The following CASK variants were observed in gnomAD, a reference collection of about 807,000 sequenced individuals.
The protein encoded by CASK is calcium/calmodulin dependent serine protein kinase.
Under a neutral mutation model 82.9 loss-of-function variants are expected in CASK, and 4 were observed. The observed-to-expected ratio is 0.05, with a 90% confidence interval of 0.02 to 0.11. The LOEUF (loss-of-function observed/expected upper bound fraction) is 0.11. Among genes scored for constraint, CASK ranks in the 10% least tolerant of loss-of-function variants. The pLI, the probability that CASK is intolerant of heterozygous loss-of-function variation, is 1.00. For synonymous variants in CASK, 259 were observed against 253.5 expected (o/e 1.02, Z -0.20); for missense variants, 358 against 720.9 (o/e 0.50, Z 5.76).
chrX:41,521,481 A>G (rs1321032568), intron 26 of CASK, among the ~76,000 whole-genome samples: 1 of 112,215 alleles, frequency 8.9e-6, no homozygotes, highest in Non-Finnish European at 1.9e-5. Flanking sequence ...CACAGATTTT[A>G]AGAACTCTTG....
intron 1 of CASK, among the ~76,000 whole-genome samples, chrX:41,869,459 A>T (rs750348984): frequency 9.0e-6 from 1 of 111,268 alleles, no homozygotes; most frequent in Non-Finnish European, 1.9e-5. Context: ...TCTCAAGAAA[A>T]GATACCGTAT....
chrX:41,650,383 C>A (rs977779944), intron 8 of CASK, among the ~76,000 whole-genome samples: 6 of 110,778 alleles, frequency 5.4e-5, no homozygotes, highest in African/African-American at 2.0e-4. Flanking sequence ...TTTGCAGTGG[C>A]TGTGAACTTT....
chrX:41,691,558 A>G (rs1231135265), intron 5 of CASK, among the ~76,000 whole-genome samples: 2 of 110,956 alleles, frequency 1.8e-5, no homozygotes, highest in Admixed American at 9.6e-5. Flanking sequence ...GGGCACTGTC[A>G]TTTAAGAGTT....
intron 2 of CASK, among the ~76,000 whole-genome samples, chrX:41,800,423 T>C (rs1262043014): frequency 1.8e-5 from 2 of 111,468 alleles, no homozygotes; most frequent in East Asian, 5.6e-4. Flanking sequence ...ATAGCAAGTC[T>C]CAAAGACTAG....
rs1286713121 is a variant in CASK, at chrX:41,516,878, T to G, written c.*3542A>C. ...CCTGAAATGAAAAAAAAAAAGGACA[T>G]GACATCAGTGGGGGACAAAAGAGAG... is the stretch of plus-strand genomic sequence containing the variant. On this transcript the variant is annotated 3_prime_UTR_variant, in exon 27 of 27. Coordinates refer to ENST00000378163, the MANE Select transcript of CASK (RefSeq NM_001367721.1). 9.0e-6 allele frequency: 1 copy of G among 110,751 alleles called. No homozygotes were observed. Among genetic ancestry groups the G allele is most frequent in the Non-Finnish European group, 1.9e-5 (1 of 52,865 alleles). The allele number at this position is 110,751 out of a possible 1,213,427, so 9.1% of individuals were successfully genotyped here.
At chrX:41,876,755 C>T (rs2071831126) in intron 1 of CASK, among the ~76,000 whole-genome samples, 1 of 112,112 alleles carries the variant, frequency 8.9e-6, no homozygotes, top group African/African-American at 3.2e-5. Flanking sequence ...TTCCTTTCTG[C>T]TGAAAGACTG....
intron 5 of CASK, among the ~76,000 whole-genome samples, chrX:41,713,590 T>C (rs1202791950): frequency 8.9e-6 from 1 of 112,174 alleles, no homozygotes; most frequent in African/African-American, 3.2e-5. Flanking sequence ...GGAGCCTCTT[T>C]TGTATGGGCA....
At position 41,756,542 on chromosome X, in the gene CASK, T is replaced by C. The variant is rs554962357; in HGVS notation, c.279-10941A>G. ...GACAAAATACTGAGTGAAGCAGATGTAGCCAAACCTAAACTGCTTGGTTTA... is the reference window on the plus strand; with the variant it reads ...GACAAAATACTGAGTGAAGCAGATGCAGCCAAACCTAAACTGCTTGGTTTA... On this transcript the variant is annotated intron_variant, in intron 3 of 26. Coordinates refer to ENST00000378163, the MANE Select transcript of CASK (RefSeq NM_001367721.1). Among the ~76,000 whole-genome samples, 3 of 112,429 alleles carry C rather than the reference T, an allele frequency of 2.7e-5. No homozygotes were observed. The South Asian group carries it at 1.1e-3, about 41-fold the overall frequency.
At chrX:41,916,164 G>A (rs907234308) in intron 1 of CASK, among the ~76,000 whole-genome samples, 2 of 112,537 alleles carry the variant, frequency 1.8e-5, no homozygotes, top group African/African-American at 6.5e-5. Context: ...GAGACAGAGC[G>A]AGACTCCATC....
At chrX:41,654,205 G>T in intron 8 of CASK, among the ~76,000 whole-genome samples, 2 of 112,259 alleles carry the variant, frequency 1.8e-5, no homozygotes, top group Non-Finnish European at 3.8e-5. Context: ...CTGGGGAAAG[G>T]CAGAGAGGAG....
chrX:41,585,081 T>C (rs1457032612), intron 14 of CASK: 3 of 112,148 alleles, frequency 2.7e-5, no homozygotes, highest in African/African-American at 3.2e-5. Context: ...CAGCAAGCAT[T>C]AGAATGTTAT....
At chrX:41,715,448 C>T (rs6520764) in intron 5 of CASK, among the ~76,000 whole-genome samples, 36,746 of 109,578 alleles carry the variant, frequency 0.34, 4,588 homozygotes, top group East Asian at 0.54. Context: ...GGCGAAACCC[C>T]GTCTCTACTA....
chrX:41,659,859 G>A lies in CASK; in HGVS notation c.831+580C>T, dbSNP rs1179672802. Among the ~76,000 whole-genome samples, 12 of 109,790 alleles carry A rather than the reference G, an allele frequency of 1.1e-4. No individual in the cohort carries two copies. In the Admixed American group the frequency reaches 1.2e-3, roughly 11 times the overall value. On this transcript the variant is annotated intron_variant, in intron 8 of 26. Transcript: ENST00000378163. ...TACAAAAAATACAAAAATTAGCCAG[G>A]TGTGGTACTGCATGCCTGTGCTCCC...
intron 11 of CASK, among the ~76,000 whole-genome samples, chrX:41,614,551 T>G (rs1287412850): frequency 9.3e-6 from 1 of 107,447 alleles, no homozygotes; most frequent in African/African-American, 3.4e-5. Context: ...AGATAGAGTC[T>G]CGTTCTGTTG....
intron 1 of CASK, among the ~76,000 whole-genome samples, chrX:41,888,036 G>A (rs1383530717): frequency 9.0e-6 from 1 of 111,653 alleles, no homozygotes; most frequent in Non-Finnish European, 1.9e-5. Context: ...AGAAAACCCT[G>A]ACACAAGGAT....
intron 12 of CASK, among the ~76,000 whole-genome samples, chrX:41,596,098 G>C (rs2065816354): frequency 9.2e-6 from 1 of 108,620 alleles, no homozygotes; most frequent in African/African-American, 3.4e-5. Context: ...AGGTAGCTGA[G>C]GCAGGAGGAT....
At chrX:41,620,516 C>G (rs2066272106) in intron 11 of CASK, among the ~76,000 whole-genome samples, 1 of 111,470 alleles carries the variant, frequency 9.0e-6, no homozygotes, top group Non-Finnish European at 1.9e-5. Flanking sequence ...AATCAAAGCC[C>G]CTCCTTGCAA....
chrX:41,728,350 T>C (rs191697945), intron 5 of CASK: 102 of 165,876 alleles, frequency 6.1e-4, no homozygotes, highest in African/African-American at 3.0e-3. Flanking sequence ...ATTTCATGAC[T>C]AGGATAAAGA....
intron 5 of CASK, among the ~76,000 whole-genome samples, chrX:41,738,712 G>C (rs1323000672): frequency 1.8e-5 from 2 of 111,341 alleles, no homozygotes; most frequent in East Asian, 2.8e-4. Flanking sequence ...AGGGTCAAAG[G>C]GACCTCAGGG....
Sources: gnomAD v4.1 joint callset for allele counts (sites outside exome capture counted in the v4.1 genomes callset) on GRCh38, gnomAD v4.1.1 for gene constraint, MANE v1.5 for transcripts, NCBI Gene and HGNC (gene_info 2026-07-23, HGNC 2026-07-21) for gene names.